Variants in PPM1L observed in about 807,000 individuals in gnomAD.
PPM1L encodes the protein protein phosphatase, Mg2+/Mn2+ dependent 1L.
Under a neutral mutation model 31.4 loss-of-function variants are expected in PPM1L, and 13 were observed. The observed-to-expected ratio is 0.41, with a 90% CI of 0.27 to 0.66. PPM1L has a LOEUF of 0.66. Among genes scored for constraint, PPM1L ranks in the 30% least tolerant of loss-of-function variants. The pLI, the probability that PPM1L is intolerant of heterozygous loss-of-function variation, is 0.29. For synonymous variants in PPM1L, 184 were observed against 175.4 expected (o/e 1.05, Z -0.39); for missense variants, 326 against 453.7 (o/e 0.72, Z 2.56).
intron 1 of PPM1L, among the ~76,000 whole-genome samples, chr3:160,805,931 T>C (rs900931671): frequency 1.3e-5 from 2 of 152,080 alleles, no homozygotes; most frequent in Non-Finnish European, 2.9e-5. Flanking sequence ...ATCTGCAAAA[T>C]ATGTCAATAT....
At chr3:160,934,848 G>A (rs1714914638) in intron 1 of PPM1L, among the ~76,000 whole-genome samples, 1 of 152,026 alleles carries the variant, frequency 6.6e-6, no homozygotes, top group South Asian at 2.1e-4. Flanking sequence ...AGCTGCTTGG[G>A]AGGCTGAGGC....
At chr3:160,918,600 T>C (rs1467109739) in intron 1 of PPM1L, among the ~76,000 whole-genome samples, 1 of 152,224 alleles carries the variant, frequency 6.6e-6, no homozygotes, top group African/African-American at 2.4e-5. Context: ...TTGTCTTTCC[T>C]TAAGAGTTCT....
intron 2 of PPM1L, among the ~76,000 whole-genome samples, chr3:160,993,804 G>A (rs1207666082): frequency 6.6e-6 from 1 of 152,092 alleles, no homozygotes; most frequent in Non-Finnish European, 1.5e-5. Flanking sequence ...AACTTGAACC[G>A]ACAAATGGTA....
At chr3:160,999,125 A>G (rs775095899) in intron 2 of PPM1L, among the ~76,000 whole-genome samples, 49 of 152,286 alleles carry the variant, frequency 3.2e-4, no homozygotes, top group Non-Finnish European at 2.5e-4. Context: ...AGCACATTCT[A>G]TGTGCCTGTA....
intron 1 of PPM1L, among the ~76,000 whole-genome samples, chr3:160,824,784 A>G (rs1454059271): frequency 1.3e-5 from 2 of 152,156 alleles, no homozygotes; most frequent in African/African-American, 2.4e-5. Flanking sequence ...CTATTTTAGT[A>G]TTATGAGACT....
intron 1 of PPM1L, among the ~76,000 whole-genome samples, chr3:160,883,902 T>TAAA: frequency 6.8e-6 from 1 of 146,000 alleles, no homozygotes; most frequent in Non-Finnish European, 1.5e-5. Flanking sequence ...AAAAAAAAAT[T>TAAA]AAAAATTAAA....
chr3:160,824,566 G>A lies in PPM1L; in HGVS notation c.399+67859G>A, dbSNP rs564802325. Among the ~76,000 whole-genome samples the A allele has an allele frequency of 2.0e-5, 3 of 152,258 alleles. No homozygotes were observed. The South Asian group carries it at 6.2e-4, about 32-fold the overall frequency. On this transcript the variant is annotated intron_variant, in intron 1 of 3. Transcript: ENST00000498165. ...CGTGGCCTAAGTCTGATCTTTTAAC[G>A]TGGCTCCTCACCTGACAGTTGCAGG...
At chr3:160,945,702 A>G (rs896897727) in intron 1 of PPM1L, among the ~76,000 whole-genome samples, 3 of 152,128 alleles carry the variant, frequency 2.0e-5, no homozygotes, top group African/African-American at 7.2e-5. Flanking sequence ...TGAACTGCAC[A>G]GGTCCACGTA....
At chr3:160,923,516 G>A (rs1284439102) in intron 1 of PPM1L, among the ~76,000 whole-genome samples, 1 of 152,148 alleles carries the variant, frequency 6.6e-6, no homozygotes, top group Non-Finnish European at 1.5e-5. Context: ...TATGCAACTG[G>A]TTTCTGAAAT....
rs562461571 is a variant in PPM1L at position 160,894,980 on chromosome 3, C to A, written c.400-66756C>A. On this transcript the variant is annotated intron_variant, in intron 1 of 3. Transcript: ENST00000498165. Reference sequence around the variant, plus strand: ...ATATCTTCCACCTTTTTTCCTATACCTTTTATTAAACTGTGCCTTGGAGAA... The same window carrying A: ...ATATCTTCCACCTTTTTTCCTATACATTTTATTAAACTGTGCCTTGGAGAA... Among the ~76,000 whole-genome samples the A allele has an allele frequency of 2.0e-5, 3 of 151,978 alleles. No homozygotes were observed. The Middle Eastern group carries it at 0.01, about 517-fold the overall frequency.
At chr3:161,001,857 T>G (rs1717494056) in intron 2 of PPM1L, among the ~76,000 whole-genome samples, 1 of 152,186 alleles carries the variant, frequency 6.6e-6, no homozygotes, top group African/African-American at 2.4e-5. Context: ...ATTATTATAC[T>G]TTAGGTTTTA....
chr3:160,904,108 G>A (rs17826418), intron 1 of PPM1L, among the ~76,000 whole-genome samples: 1 of 152,074 alleles, frequency 6.6e-6, no homozygotes, highest in African/African-American at 2.4e-5. Flanking sequence ...TAATGAGTCA[G>A]GTAGCTTTGT....
At chr3:161,034,233 C>T (rs150704810) in intron 2 of PPM1L, among the ~76,000 whole-genome samples, 46 of 152,310 alleles carry the variant, frequency 3.0e-4, no homozygotes, top group Non-Finnish European at 5.4e-4. Flanking sequence ...AACACTTTTA[C>T]ACTGTTGGTG....
In PPM1L at chr3:160,964,323, A is replaced by G. The variant is rs557350693; in HGVS notation, c.574+2413A>G. 2.4e-3 allele frequency among the ~76,000 whole-genome samples: 360 copies of G among 149,376 alleles called. 1 individual carries two copies. The highest frequency in any genetic ancestry group is 8.4e-3 in the African/African-American group (349 of 41,332). On this transcript the variant is annotated intron_variant, in intron 2 of 3. Transcript: ENST00000498165. ...AACAGTCAATCAACACATATTTTGT[A>G]TGTTATGTGTATTTATACTGTATTC... is the stretch of plus-strand genomic sequence containing the variant.
chr3:160,761,252 G>T (rs1714961548), intron 1 of PPM1L, among the ~76,000 whole-genome samples: 1 of 152,142 alleles, frequency 6.6e-6, no homozygotes, highest in South Asian at 2.1e-4. Context: ...ATCTAGCTCT[G>T]CAAGGAACTG....
At chr3:160,814,505 A>G (rs945519962) in intron 1 of PPM1L, among the ~76,000 whole-genome samples, 4 of 118,914 alleles carry the variant, frequency 3.4e-5, no homozygotes, top group African/African-American at 7.8e-5. Context: ...ACATATATGT[A>G]TGTGTATATA....
rs75458394 is a variant in PPM1L at position 161,030,127 on chromosome 3, C to T, written c.575-35276C>T. On this transcript the variant is annotated intron_variant, in intron 2 of 3. Coordinates refer to ENST00000498165, the MANE Select transcript of PPM1L (RefSeq NM_139245.4). Reference sequence around the variant, plus strand: ...TTTACAGTTTCCAAATCAGCAACTGCTATGGTCTAAACATGCCTCCCCACC... The same window carrying T: ...TTTACAGTTTCCAAATCAGCAACTGTTATGGTCTAAACATGCCTCCCCACC... Among the ~76,000 whole-genome samples, 1,320 of 152,318 alleles carry T rather than the reference C, an allele frequency of 8.7e-3. 27 individuals are homozygous for T. The highest frequency in any genetic ancestry group is 0.03 in the African/African-American group (1,229 of 41,574).
intron 2 of PPM1L, among the ~76,000 whole-genome samples, chr3:161,051,115 C>T (rs116788345): frequency 0.015 from 2,261 of 152,166 alleles, 60 homozygotes; most frequent in African/African-American, 0.052. Context: ...CTCCACCACC[C>T]GCCATCTCCT....
At chr3:160,840,681 T>C (rs536023483) in intron 1 of PPM1L, among the ~76,000 whole-genome samples, 66 of 151,312 alleles carry the variant, frequency 4.4e-4, no homozygotes, top group African/African-American at 1.6e-3. Context: ...GGAGTTCTTA[T>C]GTCCATGGGT....
Sources: gnomAD v4.1 joint callset for allele counts (sites outside exome capture counted in the v4.1 genomes callset) on GRCh38, gnomAD v4.1.1 for gene constraint, MANE v1.5 for transcripts, NCBI Gene and HGNC (gene_info 2026-07-23, HGNC 2026-07-21) for gene names.